The following PDXDC1 variants were observed in gnomAD, a reference collection of about 807,000 sequenced individuals.
PDXDC1 encodes the protein pyridoxal dependent decarboxylase domain containing 1, also known as pyridoxal-dependent decarboxylase domain-containing protein 1.
Under a neutral mutation model 100.1 loss-of-function variants are expected in PDXDC1, and 42 were observed. The observed-to-expected ratio is 0.42, with a 90% CI of 0.33 to 0.54. PDXDC1 has a LOEUF of 0.54. PDXDC1 is among the 20% of genes least tolerant of loss of function. PDXDC1 has a pLI of 0.10. For synonymous variants in PDXDC1, 260 were observed against 371.7 expected, an observed-to-expected ratio of 0.70 and a Z score of 3.46; for missense variants, 636 against 979.2, an observed-to-expected ratio of 0.65 and a Z score of 4.68.
At chr16:15,123,448 C>A (rs2047537602) in intron 16 of PDXDC1, 1 of 707,190 alleles carries the variant, frequency 1.4e-6, no homozygotes, top group Non-Finnish European at 2.5e-6. Flanking sequence ...AAGCAGAGTG[C>A]CAGGTTTTAC....
intron 16 of PDXDC1, among the ~76,000 whole-genome samples, chr16:15,086,799 T>C (rs554732954): frequency 6.6e-6 from 1 of 152,256 alleles, no homozygotes; most frequent in African/African-American, 2.4e-5. Context: ...TATTAGAAGA[T>C]CACAAAGGAA....
chr16:14,978,270 G>A (rs1400309637), intron 1 of PDXDC1, among the ~76,000 whole-genome samples: 2 of 151,420 alleles, frequency 1.3e-5, no homozygotes, highest in African/African-American at 4.9e-5. Flanking sequence ...ACAAGGCCCT[G>A]TAGCAGAGTC....
chr16:15,133,198 G>C, intron 16 of PDXDC1: 2 of 1,092,428 alleles, frequency 1.8e-6, no homozygotes, highest in Non-Finnish European at 2.7e-6. Context: ...CTCCAGGCAG[G>C]GGTACAGGTC....
At chr16:15,014,406 C>A (rs1338378919) in intron 8 of PDXDC1, among the ~76,000 whole-genome samples, 2 of 152,266 alleles carry the variant, frequency 1.3e-5, no homozygotes, top group Admixed American at 1.3e-4. Context: ...TCAGCAGACA[C>A]ATGTCAAGGG....
downstream of PDXDC1, among the ~76,000 whole-genome samples, chr16:15,141,907 C>T (rs1476114400): frequency 6.6e-6 from 1 of 152,180 alleles, no homozygotes; most frequent in African/African-American, 2.4e-5. Context: ...AGGGACTTTT[C>T]AGCGGCTGCG....
chr16:15,132,998 G>A (rs143386504), intron 16 of PDXDC1: 518 of 1,428,216 alleles, frequency 3.6e-4, no homozygotes, highest in African/African-American at 2.5e-3. Context: ...GCATTGACCC[G>A]CAACACTGAG....
chr16:15,063,221 T>G (rs1311971037), intron 16 of PDXDC1: 1 of 1,612,724 alleles, frequency 6.2e-7, no homozygotes, highest in Non-Finnish European at 8.5e-7. Flanking sequence ...CTTGAACTCC[T>G]GTAGCTCTTC....
rs208653 is a variant in PDXDC1, at chr16:15,126,200, G to A, written c.1400-12679G>A. ...CAGGTGCCTGCCACGATGCCCAGCT[G>A]ATTTTTTGTATTTTTAGTAGAGACG... is the stretch of plus-strand genomic sequence containing the variant. On this transcript the variant is annotated intron_variant, in intron 16 of 16. Coordinates refer to the PDXDC1 transcript ENST00000535621. Among the ~76,000 whole-genome samples, 670 of 147,740 alleles carry A rather than the reference G, an allele frequency of 4.5e-3. 2 individuals carry two copies. The highest frequency in any genetic ancestry group is 6.6e-3 in the African/African-American group (255 of 38,636).
At chr16:15,145,057 C>T in the PDXDC1 span, among the ~76,000 whole-genome samples, 1 of 152,180 alleles carries the variant, frequency 6.6e-6, no homozygotes, top group Admixed American at 6.5e-5. Context: ...ACCTTATGCT[C>T]CTGATGGGCA....
At chr16:15,089,072 G>A (rs1351541811) in intron 16 of PDXDC1, among the ~76,000 whole-genome samples, 2 of 152,116 alleles carry the variant, frequency 1.3e-5, no homozygotes, top group Non-Finnish European at 2.9e-5. Context: ...GGAGGCTGAG[G>A]CGGGTGGATC....
chr16:15,008,594 C>A (rs1222109851), intron 6 of PDXDC1, among the ~76,000 whole-genome samples, 185 bp from the exon 7 acceptor site: 1 of 138,660 alleles, frequency 7.2e-6, no homozygotes, highest in Non-Finnish European at 1.7e-5. Flanking sequence ...GGAAATTCAC[C>A]CTTTTTTTTT....
intron 16 of PDXDC1, among the ~76,000 whole-genome samples, chr16:15,066,765 A>C (rs919471094): frequency 5.3e-5 from 8 of 151,580 alleles, no homozygotes; most frequent in Non-Finnish European, 1.5e-5. Context: ...TCAATCTCAA[A>C]AGCATCAAGC....
chr16:15,042,037 C>T (rs1567757464), downstream of PDXDC1, among the ~76,000 whole-genome samples: 1 of 152,200 alleles, frequency 6.6e-6, no homozygotes, highest in Non-Finnish European at 1.5e-5. Context: ...AAACAAAAAT[C>T]TGGCCACTGT....
Position 15,135,725 on chromosome 16 carries a change from T to G in PDXDC1, c.1400-3154T>G, listed in dbSNP as rs766419307. ...ATCCTCCAGGTTGGGGTCGTAGGAC[T>G]CGCTCCCATCCAGCACCAGGTCCTG... On this transcript the variant is annotated intron_variant, in intron 16 of 16. Coordinates refer to the PDXDC1 transcript ENST00000535621. 468 of 1,595,598 alleles carry G rather than the reference T, an allele frequency of 2.9e-4. 2 individuals are homozygous for G. The Middle Eastern group carries it at 3.4e-3, about 12-fold the overall frequency.
downstream of PDXDC1, among the ~76,000 whole-genome samples, chr16:15,141,432 G>C (rs941246939): frequency 6.6e-6 from 1 of 152,244 alleles, no homozygotes; most frequent in Non-Finnish European, 1.5e-5. Context: ...TGAGACGCTG[G>C]GCACTGGCTC....
At chr16:15,109,224 T>C (rs2046926715) in intron 16 of PDXDC1, 1 of 148,590 alleles carries the variant, frequency 6.7e-6, no homozygotes. Context: ...TGAAAATGAA[T>C]CTGGAGGTGA....
rs565141995 is a variant in PDXDC1, at chr16:15,063,485, G to T, written c.1399+33429G>T. ...GCACTTTGGGAGGCTGAGGTGGGCA[G>T]ATCATGAGGTCAGGAGATCGAGACC... On this transcript the variant is annotated intron_variant, in intron 16 of 16. Coordinates refer to the PDXDC1 transcript ENST00000535621. Among the ~76,000 whole-genome samples, 24 of 152,196 alleles carry T rather than the reference G, an allele frequency of 1.6e-4. No individual in the cohort carries two copies. In the East Asian group the frequency reaches 4.3e-3, roughly 27 times the overall value.
intron 16 of PDXDC1, among the ~76,000 whole-genome samples, chr16:15,065,745 T>C (rs892185873): frequency 5.3e-5 from 8 of 152,300 alleles, no homozygotes; most frequent in African/African-American, 1.9e-4. Context: ...TTTTTACTGT[T>C]TGCAAAAGAA....
At chr16:15,008,595 C>CT (rs10717385) in intron 6 of PDXDC1, among the ~76,000 whole-genome samples, 184 bp from the exon 7 acceptor site, 159 of 144,676 alleles carry the variant, frequency 1.1e-3, no homozygotes, top group East Asian at 1.8e-3. Context: ...GAAATTCACC[C>CT]TTTTTTTTTT....
Sources: allele counts gnomAD v4.1 joint callset (sites outside exome capture counted in the v4.1 genomes callset), GRCh38; gene constraint gnomAD v4.1.1; transcripts MANE v1.5; gene names NCBI Gene and HGNC (gene_info 2026-07-23, HGNC 2026-07-21).